ANAPC13: variants seen among roughly 807,000 people sequenced by gnomAD.
ANAPC13 encodes the protein anaphase promoting complex subunit 13, also known as anaphase-promoting complex subunit 13.
A neutral mutation model predicts 9.6 loss-of-function variants in ANAPC13; 9 were observed. The ratio of observed to expected loss-of-function variants is 0.94; its 90% CI spans 0.57 to 1.64. The LOEUF (loss-of-function observed/expected upper bound fraction) is 1.64. ANAPC13 is among the 40% of genes most tolerant of loss of function. The pLI is 0.00. For missense variants in ANAPC13, 75 were observed against 85.3 expected, an observed-to-expected ratio of 0.88 and a Z score of 0.48; for synonymous variants, 30 against 29.7, an observed-to-expected ratio of 1.01 and a Z score of -0.03.
In ANAPC13 at chr3:134,482,935, T is replaced by C. The variant is rs756599012; in HGVS notation, c.-27-4A>G. 6.5e-7 allele frequency: 1 copy of C among 1,548,888 alleles called. No individual in the cohort carries two copies. The highest frequency in any genetic ancestry group is 1.4e-5 in the African/African-American group (1 of 73,600). On this transcript the variant is annotated splice_region_variant and splice_polypyrimidine_tract_variant and intron_variant, in intron 1 of 2. Coordinates refer to ENST00000354910, the MANE Select transcript of ANAPC13 (RefSeq NM_015391.4). ...TGCAGCTTTGATCTTGTCAAATCTG[T>C]AAGCCAAAGAGGTTATTTCTTAAAC... is the stretch of plus-strand genomic sequence containing the variant.
At chr3:134,483,044 T>C in intron 1 of ANAPC13, 113 bp from the exon 2 acceptor site, 2 of 703,164 alleles carry the variant, frequency 2.8e-6, no homozygotes, top group Non-Finnish European at 5.0e-6. Context: ...AAAAGGTTCA[T>C]TTTCTCATAT....
At chr3:134,479,758 C>T (rs1934695840) in intron 2 of ANAPC13, among the ~76,000 whole-genome samples, 1 of 152,174 alleles carries the variant, frequency 6.6e-6, no homozygotes, top group African/African-American at 2.4e-5. Flanking sequence ...AAAAACACAA[C>T]AAATGACCAA....
intron 2 of ANAPC13, among the ~76,000 whole-genome samples, chr3:134,479,214 C>T (rs1161419245): frequency 6.6e-6 from 1 of 152,170 alleles, no homozygotes; most frequent in Non-Finnish European, 1.5e-5. Context: ...TTATTAGCGG[C>T]TAGGAACACT....
upstream of ANAPC13, chr3:134,485,997 C>CCCCCG: frequency 1.0e-6 from 1 of 980,848 alleles, no homozygotes; most frequent in Non-Finnish European, 1.2e-6. Flanking sequence ...CCACGCCCCC[C>CCCCCG]CCCCCTCCCC....
chr3:134,482,607 G>A (rs1934760357), intron 2 of ANAPC13, 199 bp downstream of exon 2: 2 of 590,904 alleles, frequency 3.4e-6, no homozygotes, highest in Non-Finnish European at 6.0e-6. Context: ...TAACTGACCT[G>A]GCCATGTTAG....
intron 2 of ANAPC13, among the ~76,000 whole-genome samples, chr3:134,479,679 G>C (rs558791236): frequency 2.0e-5 from 3 of 152,288 alleles, no homozygotes; most frequent in African/African-American, 7.2e-5. Flanking sequence ...AAAAATGGAG[G>C]TAGGGCAGGA....
Position 134,478,411 on chromosome 3 carries a change from T to C in ANAPC13, c.*179A>G. ...GGTTTAAAGAGCGAAATATTCACCA[T>C]TACTGAGAAATCTCAGTTTCTCATT... On this transcript the variant is annotated 3_prime_UTR_variant, in exon 3 of 3. Transcript: ENST00000354910. 1 of 779,596 alleles carries C rather than the reference T, an allele frequency of 1.3e-6. No homozygotes were observed. The highest frequency in any genetic ancestry group is 1.9e-5 in the South Asian group (1 of 52,850). 48.3% of individuals were successfully genotyped at this position (779,596 alleles called of 1,614,324 possible).
chr3:134,479,547 C>T lies in ANAPC13; in HGVS notation c.100-832G>A, dbSNP rs141499991. Among the ~76,000 whole-genome samples, 774 of 152,122 alleles carry T rather than the reference C, an allele frequency of 5.1e-3. 13 individuals carry two copies. The highest frequency in any genetic ancestry group is 0.018 in the African/African-American group (742 of 41,494). ...TTTTTTTAGTAGAGATGGGGTTTCT[C>T]TATGTTGGTCAGGCTGGTCTCGAAC... On this transcript the variant is annotated intron_variant, in intron 2 of 2. Coordinates refer to ENST00000354910, the MANE Select transcript of ANAPC13 (RefSeq NM_015391.4).
At chr3:134,479,479 A>G (rs1283939929) in intron 2 of ANAPC13, among the ~76,000 whole-genome samples, 1 of 152,056 alleles carries the variant, frequency 6.6e-6, no homozygotes, top group East Asian at 1.9e-4. Context: ...CTGGGATTAC[A>G]GGCATGCACC....
At chr3:134,483,827 G>A (rs548238364) in intron 1 of ANAPC13, among the ~76,000 whole-genome samples, 30 of 152,304 alleles carry the variant, frequency 2.0e-4, no homozygotes, top group African/African-American at 7.0e-4. Flanking sequence ...CACACAATAA[G>A]CAATTTTGGG....
At chr3:134,485,293 T>C (rs1042494145) in intron 1 of ANAPC13, 8 of 152,280 alleles carry the variant, frequency 5.3e-5, no homozygotes, top group African/African-American at 1.2e-4. Flanking sequence ...ACGACCACTG[T>C]TTCCTGAACA....
intron 2 of ANAPC13, among the ~76,000 whole-genome samples, chr3:134,480,389 A>G (rs1388762453): frequency 6.6e-6 from 1 of 152,252 alleles, no homozygotes; most frequent in Non-Finnish European, 1.5e-5. Flanking sequence ...CTGGAAAACA[A>G]AAACAAAAGT....
At chr3:134,482,718 C>T (rs542388810) in intron 2 of ANAPC13, 88 bp downstream of exon 2, 1 of 1,034,914 alleles carries the variant, frequency 9.7e-7, no homozygotes, top group East Asian at 2.4e-5. Context: ...CTTTGCCACA[C>T]TAGTTTATCT....
At chr3:134,484,077 G>T (rs1180304826) in intron 1 of ANAPC13, among the ~76,000 whole-genome samples, 1 of 152,234 alleles carries the variant, frequency 6.6e-6, no homozygotes, top group African/African-American at 2.4e-5. Context: ...GCAGGTGGAA[G>T]TTTTTGTAAA....
rs912694704 is a variant in ANAPC13 at position 134,482,323 on chromosome 3, G to A, written c.99+483C>T. Among the ~76,000 whole-genome samples the A allele has an allele frequency of 2.0e-5, 3 of 152,198 alleles. No homozygotes were observed. The South Asian group carries it at 6.2e-4, about 31-fold the overall frequency. The stretch of plus-strand genomic sequence containing the variant: ...TGGGGAAGAAAAGAGTATTCCAGAA[G>A]GCCACTGGCCTAAACGCAAAAGAAT... On this transcript the variant is annotated intron_variant, in intron 2 of 2. Transcript: ENST00000354910.
chr3:134,485,995 C>A, upstream of ANAPC13: 1 of 839,116 alleles, frequency 1.2e-6, no homozygotes, highest in Non-Finnish European at 1.3e-6. Flanking sequence ...TGCCACGCCC[C>A]CCCCCCCTCC....
chr3:134,478,706 G>A lies in ANAPC13; in HGVS notation c.109C>T (p.Pro37Ser), dbSNP rs576647857. 3 of 1,613,912 alleles carry A rather than the reference G, an allele frequency of 1.9e-6. No homozygotes were observed. Among genetic ancestry groups the A allele is most frequent in the Admixed American group, 1.7e-5 (1 of 59,898 alleles). ...EDVAIPLNEL[P>S]EPEQDNGGTT... ...CCACCATTGTCTTGTTCAGGTTCAG[G>A]AAGCTCATTCTGAAAAGGTACAATA... Residue 37 changes from proline (P) to serine (S), a missense_variant, in exon 3 of 3, where the codon CCT becomes TCT. Physicochemically the swap from Pro to Ser is moderately conservative, Grantham distance 74 (BLOSUM62 -1). Transcript: ENST00000354910.
intron 1 of ANAPC13, 183 bp from the exon 2 acceptor site, chr3:134,483,114 A>G (rs1934775985): frequency 1.7e-6 from 1 of 594,774 alleles, no homozygotes; most frequent in Non-Finnish European, 3.0e-6. Context: ...TACATATTTT[A>G]TAGTGTATAC....
intron 1 of ANAPC13, among the ~76,000 whole-genome samples, chr3:134,484,128 T>TC (rs1934840888): frequency 6.6e-6 from 1 of 152,166 alleles, no homozygotes; most frequent in Non-Finnish European, 1.5e-5. Context: ...GCGCCTGTAA[T>TC]CCAGCACTTT....
Sources: gnomAD v4.1 joint callset for allele counts (sites outside exome capture counted in the v4.1 genomes callset) on GRCh38, gnomAD v4.1.1 for gene constraint, MANE v1.5 for transcripts, NCBI Gene and HGNC (gene_info 2026-07-23, HGNC 2026-07-21) for gene names.